PRR16: variants seen among roughly 807,000 people sequenced by gnomAD.
The protein encoded by PRR16 is proline rich 16, also known as protein Largen.
A neutral mutation model predicts 18.2 loss-of-function variants in PRR16; 6 were observed. The observed-to-expected ratio is 0.33, with a 90% CI of 0.18 to 0.65. The LOEUF is 0.65. Ranked by LOEUF, PRR16 falls within the 30% of genes least tolerant of loss-of-function variation. The pLI, the probability that PRR16 is intolerant of heterozygous loss-of-function variation, is 0.74. For synonymous variants in PRR16, 151 were observed against 147.8 expected (o/e 1.02, Z -0.16); for missense variants, 412 against 376.6 (o/e 1.09, Z -0.78).
the PRR16 span, among the ~76,000 whole-genome samples, chr5:120,754,413 C>CTATATACTATATAATATATAGTATATAG: frequency 0.014 from 343 of 24,182 alleles, 49 homozygotes; most frequent in Non-Finnish European, 0.02. Flanking sequence ...ATACTATATA[C>CTATATACTATATAATATATAGTATATAG]TATATATTAT....
the PRR16 span, among the ~76,000 whole-genome samples, chr5:120,707,329 T>C: frequency 6.6e-6 from 1 of 152,130 alleles, no homozygotes; most frequent in Non-Finnish European, 1.5e-5. Flanking sequence ...TAGCTTGTGA[T>C]TTTACCAATA....
intron 1 of PRR16, among the ~76,000 whole-genome samples, chr5:120,502,470 GC>G (rs1750494545): frequency 6.6e-6 from 1 of 151,548 alleles, no homozygotes; most frequent in Non-Finnish European, 1.5e-5. Context: ...TACTTCTCAG[GC>G]CAAAAAATAG....
At chr5:120,567,957 C>T (rs746943504) in intron 1 of PRR16, among the ~76,000 whole-genome samples, 7 of 152,154 alleles carry the variant, frequency 4.6e-5, no homozygotes, top group Non-Finnish European at 8.8e-5. Flanking sequence ...TCCACCCATC[C>T]CACTCAGGCC....
At chr5:120,790,192 C>T in the PRR16 span, 1 of 152,120 alleles carries the variant, frequency 6.6e-6, no homozygotes, top group Admixed American at 6.5e-5. Context: ...AAAAAAGCCA[C>T]AGCCTTAAAT....
At chr5:120,513,595 C>T (rs1750896961) in intron 1 of PRR16, among the ~76,000 whole-genome samples, 2 of 152,080 alleles carry the variant, frequency 1.3e-5, no homozygotes, top group Admixed American at 6.6e-5. Flanking sequence ...TCGTTACCCA[C>T]CTTTCCCCCT....
At chr5:120,771,730 G>A in the PRR16 span, among the ~76,000 whole-genome samples, 4 of 152,066 alleles carry the variant, frequency 2.6e-5, no homozygotes, top group South Asian at 4.2e-4. Flanking sequence ...ACAGTGAACC[G>A]TACCAACTCA....
chr5:120,680,486 T>A (rs1221393244), intron 1 of PRR16, among the ~76,000 whole-genome samples: 1 of 152,176 alleles, frequency 6.6e-6, no homozygotes, highest in Non-Finnish European at 1.5e-5. Flanking sequence ...ATACCAAAAG[T>A]GAAAAACCTG....
chr5:120,588,050 T>C (rs1276112388), intron 1 of PRR16, among the ~76,000 whole-genome samples: 1 of 152,200 alleles, frequency 6.6e-6, no homozygotes, highest in Non-Finnish European at 1.5e-5. Flanking sequence ...GTGGAGGAAG[T>C]AACTGCCTAT....
intron 1 of PRR16, among the ~76,000 whole-genome samples, chr5:120,490,989 T>G (rs1477246620): frequency 6.6e-6 from 1 of 152,214 alleles, no homozygotes; most frequent in Non-Finnish European, 1.5e-5. Context: ...ACAGCAAATG[T>G]TGCTGCCTGA....
At chr5:120,593,386 A>C (rs1753700816) in intron 1 of PRR16, among the ~76,000 whole-genome samples, 1 of 152,050 alleles carries the variant, frequency 6.6e-6, no homozygotes, top group South Asian at 2.1e-4. Context: ...TATGTACACA[A>C]ATTAGAATAT....
At chr5:120,791,877 C>T in the PRR16 span, among the ~76,000 whole-genome samples, 1 of 152,110 alleles carries the variant, frequency 6.6e-6, no homozygotes, top group South Asian at 2.1e-4. Flanking sequence ...TCTCCTGGTA[C>T]TTAGAATACC....
intron 1 of PRR16, among the ~76,000 whole-genome samples, chr5:120,617,910 T>A (rs900809931): frequency 6.6e-6 from 1 of 152,132 alleles, no homozygotes; most frequent in Non-Finnish European, 1.5e-5. Context: ...TTTTTTTTAT[T>A]GCAATTTTCC....
intron 1 of PRR16, among the ~76,000 whole-genome samples, chr5:120,539,978 T>G (rs1466134048): frequency 1.3e-5 from 2 of 152,146 alleles, no homozygotes; most frequent in African/African-American, 2.4e-5. Flanking sequence ...CCTGGCACTT[T>G]TAAAGCCTGA....
chr5:120,515,494 T>A (rs185093022), intron 1 of PRR16, among the ~76,000 whole-genome samples: 1 of 152,186 alleles, frequency 6.6e-6, no homozygotes. Context: ...TATAAACTGG[T>A]GAAGAAAGGG....
intron 1 of PRR16, among the ~76,000 whole-genome samples, chr5:120,646,050 A>T (rs1257136553): frequency 1.4e-4 from 5 of 34,714 alleles, no homozygotes; most frequent in African/African-American, 2.7e-4. Context: ...TACATATTTT[A>T]TATATATATA....
chr5:120,604,181 G>A (rs1312634090), intron 1 of PRR16, among the ~76,000 whole-genome samples: 1 of 151,748 alleles, frequency 6.6e-6, no homozygotes, highest in African/African-American at 2.4e-5. Flanking sequence ...TTATTTTGTG[G>A]TTATCTAATT....
the PRR16 span, among the ~76,000 whole-genome samples, chr5:120,785,057 T>G: frequency 6.6e-6 from 1 of 152,202 alleles, no homozygotes; most frequent in Non-Finnish European, 1.5e-5. Flanking sequence ...GTGTATAACA[T>G]CCAGTAGTTG....
At chr5:120,470,690 T>C (rs1749239513) in intron 1 of PRR16, among the ~76,000 whole-genome samples, 2 of 152,142 alleles carry the variant, frequency 1.3e-5, no homozygotes, top group East Asian at 3.9e-4. Flanking sequence ...CCAGGTACTC[T>C]TCTCAGCGCA....
chr5:120,578,235 C>CTAA (rs1400011023), intron 1 of PRR16, among the ~76,000 whole-genome samples: 2 of 152,090 alleles, frequency 1.3e-5, no homozygotes, highest in Admixed American at 6.6e-5. Context: ...TATTTCCTCA[C>CTAA]TAATAATAAT....
Sources: gnomAD v4.1 joint callset for allele counts (sites outside exome capture counted in the v4.1 genomes callset) on GRCh38, gnomAD v4.1.1 for gene constraint, MANE v1.5 for transcripts, NCBI Gene and HGNC (gene_info 2026-07-23, HGNC 2026-07-21) for gene names.